The following DACH2 variants were observed in gnomAD, a reference collection of about 807,000 sequenced individuals.
DACH2 encodes dachshund family transcription factor 2, also known as dachshund homolog 2.
Under a neutral mutation model 35.8 loss-of-function variants are expected in DACH2, and 17 were observed. That is an observed-to-expected ratio of 0.48 (90% CI 0.33 to 0.71). The LOEUF (loss-of-function observed/expected upper bound fraction) is 0.71, where lower values mean the gene tolerates loss of function less well. DACH2 is among the 30% of genes least tolerant of loss of function. The pLI, the probability that DACH2 is intolerant of heterozygous loss-of-function variation, is 0.02. For synonymous variants in DACH2, 195 were observed against 177.3 expected (o/e 1.10, Z -0.79); for missense variants, 469 against 472.7 (o/e 0.99, Z 0.07).
At chrX:86,610,422 C>CTT (rs1224053184) in intron 3 of DACH2, among the ~76,000 whole-genome samples, 2 of 45,895 alleles carry the variant, frequency 4.4e-5, no homozygotes, top group African/African-American at 2.1e-4. Context: ...TCTTTCTTTT[C>CTT]TTTCTTTCTT....
chrX:86,508,598 T>C (rs2038357521), intron 2 of DACH2, among the ~76,000 whole-genome samples: 1 of 110,674 alleles, frequency 9.0e-6, no homozygotes, highest in Admixed American at 9.7e-5. Flanking sequence ...GCATTGATTC[T>C]ACTGATGTTA....
At position 86,279,246 on chromosome X, in the gene DACH2, A is replaced by G. The variant is rs775530981; in HGVS notation, c.489-97578A>G. Among the ~76,000 whole-genome samples, 58 of 112,030 alleles carry G rather than the reference A, an allele frequency of 5.2e-4. 1 individual carries two copies. The highest frequency in any genetic ancestry group is 1.8e-3 in the African/African-American group (56 of 30,856). ...GTCCCTGACCCCTGTGCCTCCTGACAGGGAGACACCTCCCAGCAGGGGGCA... is the reference window on the plus strand; with the variant it reads ...GTCCCTGACCCCTGTGCCTCCTGACGGGGAGACACCTCCCAGCAGGGGGCA... On this transcript the variant is annotated intron_variant, in intron 1 of 11. Transcript: ENST00000373125.
intron 1 of DACH2, among the ~76,000 whole-genome samples, chrX:86,372,351 T>A (rs915727758): frequency 2.7e-5 from 3 of 111,282 alleles, no homozygotes; most frequent in African/African-American, 9.8e-5. Flanking sequence ...ATGGAAGTTT[T>A]CAGAAATCCC....
At chrX:86,344,505 T>C (rs2035466972) in intron 1 of DACH2, among the ~76,000 whole-genome samples, 1 of 110,572 alleles carries the variant, frequency 9.0e-6, no homozygotes, top group South Asian at 3.8e-4. Context: ...ACAAGAACTA[T>C]CAACACTTAT....
chrX:86,433,073 G>T (rs2037010649), intron 2 of DACH2, among the ~76,000 whole-genome samples: 1 of 111,811 alleles, frequency 8.9e-6, no homozygotes, highest in Non-Finnish European at 1.9e-5. Context: ...TCTGTAAAAT[G>T]GGGATGGTGA....
chrX:86,372,676 G>A (rs998730179), intron 1 of DACH2, among the ~76,000 whole-genome samples: 3 of 110,784 alleles, frequency 2.7e-5, no homozygotes, highest in Non-Finnish European at 3.8e-5. Flanking sequence ...AGATTCAGGA[G>A]TACATTGTTT....
At chrX:86,582,099 C>T (rs897571182) in intron 3 of DACH2, among the ~76,000 whole-genome samples, 2 of 111,418 alleles carry the variant, frequency 1.8e-5, no homozygotes, top group African/African-American at 3.3e-5. Context: ...ATTAAACAAC[C>T]TTCTCCTGAG....
chrX:86,592,903 T>A (rs1399240074), intron 3 of DACH2, among the ~76,000 whole-genome samples: 1 of 112,193 alleles, frequency 8.9e-6, no homozygotes, highest in Non-Finnish European at 1.9e-5. Flanking sequence ...GCTTATTAGT[T>A]CAAAGAGTTA....
At chrX:86,682,295 A>G (rs2040889796) in intron 4 of DACH2, among the ~76,000 whole-genome samples, 1 of 112,114 alleles carries the variant, frequency 8.9e-6, no homozygotes, top group African/African-American at 3.2e-5. Context: ...TATGCCTCGT[A>G]TCAGTAACAA....
chrX:86,656,111 A>G (rs2040537346), intron 4 of DACH2, among the ~76,000 whole-genome samples: 1 of 107,317 alleles, frequency 9.3e-6, no homozygotes, highest in African/African-American at 3.4e-5. Context: ...TTCAAAAAAT[A>G]AACACACTGT....
chrX:86,182,992 A>G (rs1052816822), intron 1 of DACH2, among the ~76,000 whole-genome samples: 2 of 111,692 alleles, frequency 1.8e-5, no homozygotes, highest in Admixed American at 9.6e-5. Context: ...TTATTGGTGT[A>G]TAGGAATACC....
At chrX:86,329,561 A>T (rs1025497307) in intron 1 of DACH2, among the ~76,000 whole-genome samples, 16 of 108,048 alleles carry the variant, frequency 1.5e-4, no homozygotes, top group Non-Finnish European at 2.9e-4. Flanking sequence ...AATCAAATAA[A>T]TTTTTTTTTT....
intron 2 of DACH2, among the ~76,000 whole-genome samples, chrX:86,510,213 T>A (rs1272367158): frequency 8.9e-6 from 1 of 112,184 alleles, no homozygotes; most frequent in Non-Finnish European, 1.9e-5. Context: ...AGTTGCTTAC[T>A]CCTTGAATCA....
chrX:86,741,875 A>G (rs2041659926), intron 7 of DACH2, among the ~76,000 whole-genome samples: 1 of 111,532 alleles, frequency 9.0e-6, no homozygotes, highest in South Asian at 3.7e-4. Flanking sequence ...TGTCGCCATG[A>G]GTTAGACAGT....
chrX:86,177,380 G>A, intron 1 of DACH2, among the ~76,000 whole-genome samples: 1 of 112,053 alleles, frequency 8.9e-6, no homozygotes, highest in Non-Finnish European at 1.9e-5. Flanking sequence ...TCACATGGAA[G>A]CTACTTAAAC....
intron 5 of DACH2, among the ~76,000 whole-genome samples, chrX:86,698,528 T>TTTTG (rs2041098605): frequency 1.8e-5 from 1 of 57,032 alleles, no homozygotes. Context: ...TGTGTTTTTT[T>TTTTG]TTTTTTTTTT....
intron 1 of DACH2, among the ~76,000 whole-genome samples, chrX:86,311,010 G>A (rs1312337875): frequency 1.8e-5 from 2 of 111,486 alleles, no homozygotes; most frequent in Non-Finnish European, 3.8e-5. Context: ...GGCTGACCTT[G>A]CTATGGCCAC....
intron 7 of DACH2, among the ~76,000 whole-genome samples, chrX:86,765,809 T>A (rs1313303284): frequency 9.4e-6 from 1 of 106,417 alleles, no homozygotes; most frequent in African/African-American, 3.4e-5. Context: ...CATTTTTTTT[T>A]ATACCACAGT....
chrX:86,673,078 GT>G (rs1255413287), intron 4 of DACH2, among the ~76,000 whole-genome samples: 2 of 111,475 alleles, frequency 1.8e-5, no homozygotes, highest in Non-Finnish European at 3.8e-5. Flanking sequence ...GCTTACGCCT[GT>G]AATCCCAGCA....
Sources: allele counts gnomAD v4.1 joint callset (sites outside exome capture counted in the v4.1 genomes callset), GRCh38; gene constraint gnomAD v4.1.1; transcripts MANE v1.5; gene names NCBI Gene and HGNC (gene_info 2026-07-23, HGNC 2026-07-21).